Variants in VPS26A observed in about 807,000 individuals in gnomAD.
The protein encoded by VPS26A is VPS26 retromer complex component A, also known as vacuolar protein sorting-associated protein 26A.
VPS26A carries 22 observed loss-of-function variants against 42.4 expected under a neutral mutation model. The observed-to-expected ratio is 0.52, with a 90% CI of 0.37 to 0.74. The LOEUF is 0.74. VPS26A is among the 30% of genes least tolerant of loss of function. The pLI, the probability that VPS26A is intolerant of heterozygous loss-of-function variation, is 0.00. For missense variants in VPS26A, 276 were observed against 379.2 expected (o/e 0.73, Z 2.26); for synonymous variants, 110 against 123.5 (o/e 0.89, Z 0.73).
At chr10:69,152,750 A>G (rs551908599) in intron 2 of VPS26A, among the ~76,000 whole-genome samples, 5 of 152,192 alleles carry the variant, frequency 3.3e-5, no homozygotes, top group African/African-American at 1.2e-4. Flanking sequence ...CGGGTGGATC[A>G]CGAGGTCAGG....
chr10:69,157,401 C>A (rs1841456568), intron 4 of VPS26A, among the ~76,000 whole-genome samples: 1 of 152,000 alleles, frequency 6.6e-6, no homozygotes, highest in Non-Finnish European at 1.5e-5. Context: ...ATGAATTGTC[C>A]CTTACGTACT....
Position 69,149,727 on chromosome 10 carries a change from G to GTTTTTTTTTTTTT in VPS26A, c.154-6079_154-6078insTTTTTTTTTTTTT, listed in dbSNP as rs151136046. The stretch of plus-strand genomic sequence containing the variant: ...ACCATGGAATGTTAACTTTCTTGGT[G>GTTTTTTTTTTTTT]TTTTTTGTTTTTTTTTTTTTTTTTT... On this transcript the variant is annotated intron_variant, in intron 2 of 8. Transcript: ENST00000263559. Among the ~76,000 whole-genome samples the GTTTTTTTTTTTTT allele has an allele frequency of 1.8e-4, 17 of 93,950 alleles. 2 individuals carry two copies. Among genetic ancestry groups the GTTTTTTTTTTTTT allele is most frequent in the African/African-American group, 7.3e-4 (15 of 20,580 alleles). 61.6% of individuals were successfully genotyped at this position (93,950 alleles called of 152,430 possible).
intron 1 of VPS26A, among the ~76,000 whole-genome samples, chr10:69,130,775 T>C (rs575263750): frequency 5.9e-5 from 9 of 152,340 alleles, no homozygotes; most frequent in African/African-American, 1.4e-4. Flanking sequence ...AGTGGAGTTA[T>C]ACGTACGTTT....
intron 2 of VPS26A, among the ~76,000 whole-genome samples, chr10:69,150,795 A>G (rs1487692427): frequency 3.3e-5 from 5 of 152,190 alleles, no homozygotes; most frequent in Non-Finnish European, 1.5e-5. Flanking sequence ...AAGTATATAT[A>G]TGCATGCCCA....
In VPS26A at chr10:69,171,995, G is replaced by A. The variant is rs1156921532; in HGVS notation, c.*726G>A. The A allele has an allele frequency of 6.6e-6, 1 of 152,004 alleles. No individual in the cohort carries two copies. The highest frequency in any genetic ancestry group is 2.4e-5 in the African/African-American group (1 of 41,364). 9.4% of individuals were successfully genotyped at this position (152,004 alleles called of 1,614,324 possible). A position where few individuals can be genotyped will look rare whatever the true frequency, so the allele number is the denominator to read the frequency against. On this transcript the variant is annotated 3_prime_UTR_variant, in exon 9 of 9. Coordinates refer to ENST00000263559, the MANE Select transcript of VPS26A (RefSeq NM_004896.5). The stretch of plus-strand genomic sequence containing the variant: ...GTAACAGTTTTGCTATATTCCAGTA[G>A]TACCGTTGTGTGTTTTCTGCAATGT...
chr10:69,152,068 G>T (rs1157590590), intron 2 of VPS26A, among the ~76,000 whole-genome samples: 1 of 151,994 alleles, frequency 6.6e-6, no homozygotes, highest in African/African-American at 2.4e-5. Flanking sequence ...AATTAGCCAG[G>T]CATGGTGGCA....
chr10:69,160,411 G>A (rs1841530929), intron 5 of VPS26A, among the ~76,000 whole-genome samples: 1 of 151,346 alleles, frequency 6.6e-6, no homozygotes, highest in Non-Finnish European at 1.5e-5. Context: ...ACCCGCCTTG[G>A]CCTCCCAAAG....
chr10:69,159,603 T>G (rs1045340474), intron 5 of VPS26A, among the ~76,000 whole-genome samples: 1 of 152,184 alleles, frequency 6.6e-6, no homozygotes, highest in Non-Finnish European at 1.5e-5. Context: ...TGTATTGACT[T>G]TACATATCTC....
intron 1 of VPS26A, among the ~76,000 whole-genome samples, chr10:69,131,505 C>T (rs927645161): frequency 6.6e-6 from 1 of 152,020 alleles, no homozygotes; most frequent in Admixed American, 6.5e-5. Flanking sequence ...GAGGCCAAGG[C>T]GAGTGGATCA....
chr10:69,157,607 A>G (rs1215328401), intron 4 of VPS26A, among the ~76,000 whole-genome samples: 1 of 152,160 alleles, frequency 6.6e-6, no homozygotes, highest in Non-Finnish European at 1.5e-5. Context: ...TCCCTTCACT[A>G]AGTCTGTATG....
At chr10:69,138,125 T>C (rs1840960909) in intron 2 of VPS26A, among the ~76,000 whole-genome samples, 1 of 152,164 alleles carries the variant, frequency 6.6e-6, no homozygotes, top group East Asian at 1.9e-4. Context: ...TGTGTGGTCT[T>C]TTCCTATTTT....
rs1840591700 is a variant in VPS26A at position 69,124,222 on chromosome 10, G to A, written c.-56G>A. 1.6e-6 allele frequency: 2 copies of A among 1,277,524 alleles called. No homozygotes were observed. Among genetic ancestry groups the A allele is most frequent in the African/African-American group, 3.1e-5 (2 of 65,460 alleles). 79.1% of individuals were successfully genotyped at this position (1,277,524 alleles called of 1,614,324 possible). On this transcript the variant is annotated 5_prime_UTR_variant, in exon 1 of 9. Transcript: ENST00000263559. ...CCGGAGCGGAGGGAGCCGGGGCTGG[G>A]AGTTCTCCTGAGGGAAGAGGAGTGG...
chr10:69,137,635 C>T (rs1439871960), intron 2 of VPS26A, among the ~76,000 whole-genome samples: 1 of 152,074 alleles, frequency 6.6e-6, no homozygotes, highest in Non-Finnish European at 1.5e-5. Flanking sequence ...TTAGGATAAC[C>T]TCCCTTTTGA....
intron 2 of VPS26A, 97 bp downstream of exon 2, chr10:69,133,144 A>C (rs568361612): frequency 1.8e-5 from 23 of 1,269,590 alleles, no homozygotes; most frequent in African/African-American, 4.7e-5. Flanking sequence ...TAATTTTATG[A>C]GGGAGAGAGA....
At position 69,168,164 on chromosome 10, in the gene VPS26A, G is replaced by A. The variant is rs112503226; in HGVS notation, c.728-325G>A. On this transcript the variant is annotated intron_variant, in intron 7 of 8. Coordinates refer to ENST00000263559, the MANE Select transcript of VPS26A (RefSeq NM_004896.5). ...TTCTGACTCTAGAACAGTAGTTCTC[G>A]TCTAGGGGCAACTTCACCTCACAAT... Among the ~76,000 whole-genome samples the A allele has an allele frequency of 3.9e-4, 60 of 152,326 alleles. 3 individuals are homozygous for A. Among genetic ancestry groups the A allele is most frequent in the African/African-American group, 1.3e-3 (56 of 41,568 alleles).
Position 69,162,477 on chromosome 10 carries a change from A to G in VPS26A, c.623A>G (p.Glu208Gly). Residue 208 changes from glutamate (E) to glycine (G), a missense_variant, in exon 6 of 9, where the codon GAG (glutamate) becomes GGG (glycine). Glu to Gly is a moderately conservative substitution (Grantham distance 98). Coordinates refer to ENST00000263559, the MANE Select transcript of VPS26A (RefSeq NM_004896.5). ...LLVRIKIQHM[E>G]LQLIKKEITG... The stretch of plus-strand genomic sequence containing the variant: ...GTAAGAATAAAAATACAACATATGG[A>G]GTTACAGCTGATCAAAAAAGAGATC... The G allele has an allele frequency of 6.4e-7, 1 of 1,567,422 alleles. No homozygotes were observed. Among genetic ancestry groups the G allele is most frequent in the Non-Finnish European group, 8.7e-7 (1 of 1,146,396 alleles).
intron 2 of VPS26A, 22 bp downstream of exon 2, chr10:69,133,069 A>C: frequency 6.2e-7 from 1 of 1,601,650 alleles, no homozygotes; most frequent in Non-Finnish European, 8.5e-7. Flanking sequence ...GTTTGACAAA[A>C]CTATCTAATT....
intron 1 of VPS26A, among the ~76,000 whole-genome samples, chr10:69,131,541 T>C (rs1840777805): frequency 6.6e-6 from 1 of 152,234 alleles, no homozygotes; most frequent in Admixed American, 6.5e-5. Flanking sequence ...GAGACCGTCC[T>C]GGCTAACATA....
intron 2 of VPS26A, chr10:69,133,710 T>C: frequency 1.3e-6 from 1 of 764,148 alleles, no homozygotes; most frequent in Non-Finnish European, 1.9e-6. Flanking sequence ...TTAAATAGGG[T>C]CTCACTCTGT....
Sources: gnomAD v4.1 joint callset for allele counts (sites outside exome capture counted in the v4.1 genomes callset) on GRCh38, gnomAD v4.1.1 for gene constraint, MANE v1.5 for transcripts, NCBI Gene and HGNC (gene_info 2026-07-23, HGNC 2026-07-21) for gene names.